Variants in ATF7 observed in about 807,000 individuals in gnomAD.
The protein encoded by ATF7 is cyclic AMP-dependent transcription factor ATF-7.
A neutral mutation model predicts 50.4 loss-of-function variants in ATF7; 10 were observed. The observed-to-expected ratio is 0.20, with a 90% CI of 0.12 to 0.34. The LOEUF (loss-of-function observed/expected upper bound fraction) is 0.34, where lower values mean the gene tolerates loss of function less well. Among genes scored for constraint, ATF7 ranks in the 10% least tolerant of loss-of-function variants. ATF7 has a pLI of 1.00. For synonymous variants in ATF7, 201 were observed against 226.4 expected, an observed-to-expected ratio of 0.89 and a Z score of 1.01; for missense variants, 465 against 613.9, an observed-to-expected ratio of 0.76 and a Z score of 2.56.
At chr12:53,556,671 C>T (rs7976737) in intron 2 of ATF7, among the ~76,000 whole-genome samples, 72,731 of 152,028 alleles carry the variant, frequency 0.48, 17,530 homozygotes, top group East Asian at 0.74. Context: ...TTTTCTCTCA[C>T]TTATTAAGAG....
At chr12:53,614,723 T>C (rs573710181) in intron 1 of ATF7, among the ~76,000 whole-genome samples, 1 of 152,334 alleles carries the variant, frequency 6.6e-6, no homozygotes, top group South Asian at 2.1e-4. Flanking sequence ...TCACCAGTCC[T>C]AAACATGTAA....
chr12:53,516,953 G>A lies in ATF7; in HGVS notation c.*184C>T. ...AGGCTCCGGGGCTGGGAGGCCCCCA[G>A]CACAGGTGTCAAACGTACATGACCA... On this transcript the variant is annotated 3_prime_UTR_variant, in exon 12 of 12. Transcript: ENST00000420353. 1 of 696,212 alleles carries A rather than the reference G, an allele frequency of 1.4e-6. No individual in the cohort carries two copies. The highest frequency in any genetic ancestry group is 2.7e-5 in the East Asian group (1 of 36,374). 43.1% of individuals were successfully genotyped at this position (696,212 alleles called of 1,614,324 possible).
chr12:53,622,403 G>A (rs1482766586), intron 1 of ATF7, among the ~76,000 whole-genome samples: 1 of 151,694 alleles, frequency 6.6e-6, no homozygotes, highest in East Asian at 1.9e-4. Context: ...GGCAGATCAC[G>A]TGGTCAGGAT....
At chr12:53,578,381 A>G (rs955532709) in intron 2 of ATF7, among the ~76,000 whole-genome samples, 2 of 151,620 alleles carry the variant, frequency 1.3e-5, no homozygotes, top group African/African-American at 4.8e-5. Context: ...AAAAAAAAAA[A>G]AAAAAAGTGA....
intron 3 of ATF7, 119 bp from the exon 4 acceptor site, chr12:53,543,567 TA>T (rs2137441090): frequency 8.6e-7 from 1 of 1,165,022 alleles, no homozygotes; most frequent in South Asian, 1.6e-5. Flanking sequence ...GTCTTTGTGT[TA>T]GGGCAAATTT....
intron 1 of ATF7, among the ~76,000 whole-genome samples, chr12:53,603,390 A>C (rs1474847541): frequency 6.6e-6 from 1 of 152,202 alleles, no homozygotes; most frequent in Non-Finnish European, 1.5e-5. Flanking sequence ...GAAAGAAAAA[A>C]AAACAAAAAC....
intron 11 of ATF7, among the ~76,000 whole-genome samples, chr12:53,520,594 A>C (rs907466720): frequency 1.3e-5 from 2 of 152,080 alleles, no homozygotes; most frequent in Non-Finnish European, 2.9e-5. Context: ...TTTTATCTTC[A>C]GCCTTTCCTC....
intron 9 of ATF7, 71 bp downstream of exon 9, chr12:53,531,673 G>T: frequency 2.1e-6 from 3 of 1,430,144 alleles, no homozygotes; most frequent in Non-Finnish European, 1.9e-6. Context: ...CTAATTTTCT[G>T]CTCCTTGAAC....
intron 2 of ATF7, among the ~76,000 whole-genome samples, chr12:53,572,562 G>T (rs74479304): frequency 6.6e-6 from 1 of 152,040 alleles, no homozygotes; most frequent in Non-Finnish European, 1.5e-5. Context: ...TGCTTTTGGC[G>T]GGGGGAAAGG....
chr12:53,598,555 T>C (rs914973953), intron 2 of ATF7, among the ~76,000 whole-genome samples: 3 of 152,148 alleles, frequency 2.0e-5, no homozygotes, highest in African/African-American at 7.2e-5. Context: ...TTATGGTAAA[T>C]GGAACACAAC....
rs1167884512 is a variant in ATF7, at chr12:53,523,268, C to T, written c.1234+8G>A. 6.3e-7 allele frequency: 1 copy of T among 1,587,250 alleles called. No homozygotes were observed. Among genetic ancestry groups the T allele is most frequent in the Admixed American group, 1.7e-5 (1 of 59,956 alleles). On this transcript the variant is annotated splice_region_variant and intron_variant, in intron 11 of 11. Coordinates refer to ENST00000420353, the MANE Select transcript of ATF7 (RefSeq NM_006856.3). ...TGACTGACTTAGCTTAGGTTGTGTG[C>T]CACTCACCTAAATAGCCTTGAGTCT...
intron 1 of ATF7, among the ~76,000 whole-genome samples, chr12:53,607,221 C>T (rs764009239): frequency 6.6e-6 from 1 of 152,126 alleles, no homozygotes; most frequent in Non-Finnish European, 1.5e-5. Context: ...CTTTCCAGCA[C>T]CTGTTGTTTC....
At chr12:53,534,293 A>T (rs532683587) in intron 6 of ATF7, among the ~76,000 whole-genome samples, 74 of 152,258 alleles carry the variant, frequency 4.9e-4, no homozygotes, top group African/African-American at 1.6e-3. Context: ...ACCCAAAAAA[A>T]ACAAAAAGTA....
intron 1 of ATF7, among the ~76,000 whole-genome samples, chr12:53,617,070 T>C (rs1169419782): frequency 1.3e-5 from 2 of 152,196 alleles, no homozygotes; most frequent in Non-Finnish European, 2.9e-5. Context: ...TTGCCCAGGC[T>C]GGAGTGCAGT....
chr12:53,619,979 A>C (rs1944309984), intron 1 of ATF7, among the ~76,000 whole-genome samples: 1 of 151,452 alleles, frequency 6.6e-6, no homozygotes, highest in African/African-American at 2.4e-5. Context: ...GACCTCTACA[A>C]AAAATAAACA....
intron 2 of ATF7, among the ~76,000 whole-genome samples, chr12:53,587,785 C>A (rs1375584112): frequency 2.1e-5 from 3 of 139,564 alleles, no homozygotes; most frequent in African/African-American, 5.2e-5. Flanking sequence ...CTATTAGATT[C>A]TCTGGTCTCT....
chr12:53,605,661 C>A (rs886597699), intron 1 of ATF7, among the ~76,000 whole-genome samples: 4 of 152,126 alleles, frequency 2.6e-5, no homozygotes, highest in Non-Finnish European at 5.9e-5. Context: ...TTTAGATTAA[C>A]AGCAGATAAC....
chr12:53,564,300 CA>C (rs1023479524), intron 2 of ATF7, among the ~76,000 whole-genome samples: 3 of 152,272 alleles, frequency 2.0e-5, no homozygotes, highest in Middle Eastern at 3.4e-3. Context: ...CACCTGAACC[CA>C]GGAAGTGGAG....
At chr12:53,605,389 CAAAAAAAAAAA>C (rs11433998) in intron 1 of ATF7, among the ~76,000 whole-genome samples, 1 of 102,004 alleles carries the variant, frequency 9.8e-6, no homozygotes, top group Non-Finnish European at 1.9e-5. Context: ...AATTCTGTCT[CAAAAAAAAAAA>C]AAAAAAAAAG....
Sources: allele counts gnomAD v4.1 joint callset (sites outside exome capture counted in the v4.1 genomes callset), GRCh38; gene constraint gnomAD v4.1.1; transcripts MANE v1.5; gene names NCBI Gene and HGNC (gene_info 2026-07-23, HGNC 2026-07-21).